ADGRG4: variants seen among roughly 807,000 people sequenced by gnomAD.
ADGRG4 encodes adhesion G protein-coupled receptor G4.
A neutral mutation model predicts 126.2 loss-of-function variants in ADGRG4; 122 were observed. The observed-to-expected ratio is 0.97, with a 90% CI of 0.83 to 1.12. The LOEUF is 1.12. ADGRG4 is among the 50% of genes most tolerant of loss of function. The probability of loss-of-function intolerance (pLI) is 0.00; values close to 1 mark genes in which losing one functional copy is unlikely to be tolerated. For synonymous variants in ADGRG4, 943 were observed against 838.7 expected (o/e 1.12, Z -2.15); for missense variants, 2,481 against 2,251.8 (o/e 1.10, Z -2.06).
rs1460902527 is a variant in ADGRG4, at chrX:136,346,340, G to A, written c.2634G>A (p.Val878=). The A allele has an allele frequency of 8.3e-7, 1 of 1,210,446 alleles. No homozygotes were observed. Among genetic ancestry groups the A allele is most frequent in the Non-Finnish European group, 1.1e-6 (1 of 894,861 alleles). Residue 878 remains valine (V), a synonymous_variant, in exon 6 of 26, where the codon GTG becomes GTA. Coordinates refer to ENST00000394143, the MANE Select transcript of ADGRG4 (RefSeq NM_153834.4). ...LEVTDESAQR[V]TASVTVSSFP... ...TGACAGACGAATCAGCACAAAGGGTGACAGCTTCTGTCACTGTTTCCTCTT... is the reference window on the plus strand; with the variant it reads ...TGACAGACGAATCAGCACAAAGGGTAACAGCTTCTGTCACTGTTTCCTCTT...
At chrX:136,320,904 G>C (rs983873363) in intron 4 of ADGRG4, among the ~76,000 whole-genome samples, 2 of 111,248 alleles carry the variant, frequency 1.8e-5, no homozygotes, top group African/African-American at 6.5e-5. Context: ...GGGCAAGAGA[G>C]TGAGACCCCC....
intron 20 of ADGRG4, 127 bp downstream of exon 20, chrX:136,398,129 T>C: frequency 1.8e-6 from 1 of 552,993 alleles, no homozygotes. Flanking sequence ...GCTTATGAAG[T>C]GGACAGGTTA....
chrX:136,348,521 A>T lies in ADGRG4; in HGVS notation c.4815A>T (p.Thr1605=). Reference sequence around the variant, plus strand: ...CCAGGACTACTATGACCATGCAAACATCTACATTGGATGTCACACCTGTGA... The same window carrying T: ...CCAGGACTACTATGACCATGCAAACTTCTACATTGGATGTCACACCTGTGA... The part of the protein sequence containing the change: ...VTPRTTMTMQ[T]STLDVTPVIY... The change falls in exon 6 of 26, where the codon ACA becomes ACT. Residue 1605 remains threonine, a synonymous_variant. Transcript: ENST00000394143. 4.1e-6 allele frequency: 5 copies of T among 1,208,761 alleles called. No homozygotes were observed. Among genetic ancestry groups the T allele is most frequent in the Non-Finnish European group, 5.6e-6 (5 of 893,117 alleles).
At chrX:136,401,526 A>T (rs1027031187) in intron 21 of ADGRG4, among the ~76,000 whole-genome samples, 3 of 111,730 alleles carry the variant, frequency 2.7e-5, no homozygotes, top group African/African-American at 9.8e-5. Flanking sequence ...AAGCAGGAAA[A>T]CTTTAGTTAC....
At chrX:136,301,161 C>G (rs2074696731) in intron 1 of ADGRG4, among the ~76,000 whole-genome samples, 161 bp downstream of exon 1, 1 of 112,187 alleles carries the variant, frequency 8.9e-6, no homozygotes, top group Non-Finnish European at 1.9e-5. Context: ...GGAATTGCCA[C>G]ACTGTCTTCC....
intron 15 of ADGRG4, among the ~76,000 whole-genome samples, chrX:136,379,395 GTTCTTA>G (rs1274586851): frequency 9.1e-6 from 1 of 110,114 alleles, no homozygotes; most frequent in African/African-American, 3.3e-5. Flanking sequence ...TCTGCTGAAT[GTTCTTA>G]TATGTTTGTT....
In ADGRG4 at chrX:136,334,701, G is replaced by A. The variant is rs1055549791; in HGVS notation, c.686-9691G>A. Among the ~76,000 whole-genome samples, 5 of 112,116 alleles carry A rather than the reference G, an allele frequency of 4.5e-5. 1 individual carries two copies. The highest frequency in any genetic ancestry group is 1.6e-4 in the African/African-American group (5 of 30,884). ...ATTTTCATTGGAGCAATTGTAAATAGCATTGTGCTTTTGATTTCAGTTTCT... is the reference window on the plus strand; with the variant it reads ...ATTTTCATTGGAGCAATTGTAAATAACATTGTGCTTTTGATTTCAGTTTCT... On this transcript the variant is annotated intron_variant, in intron 5 of 25. Coordinates refer to ENST00000394143, the MANE Select transcript of ADGRG4 (RefSeq NM_153834.4).
At chrX:136,358,003 A>G (rs993212057) in intron 10 of ADGRG4, among the ~76,000 whole-genome samples, 5 of 111,736 alleles carry the variant, frequency 4.5e-5, no homozygotes, top group African/African-American at 1.6e-4. Flanking sequence ...GGGTGGTCAT[A>G]ATCTGGGACG....
rs138629547 is a variant in ADGRG4 at position 136,376,627 on chromosome X, GGTATTGTATTGTATTGTATT to G, written c.7776+3619_7776+3638del. Among the ~76,000 whole-genome samples the G allele has an allele frequency of 4.3e-3, 373 of 86,167 alleles. 4 individuals carry two copies. Among genetic ancestry groups the G allele is most frequent in the African/African-American group, 0.011 (227 of 21,059 alleles). The allele number at this position is 86,167 out of a possible 115,157, so 74.8% of individuals were successfully genotyped here. A position where few individuals can be genotyped will look rare whatever the true frequency, so the allele number is the denominator to read the frequency against. ...ACCTCCTTGATTAAGTATATTCCTG[GGTATTGTATTGTATTGTATT>G]GTATTGTATTGTATTGTATTGTATT... On this transcript the variant is annotated intron_variant, in intron 15 of 25. Transcript: ENST00000394143.
chrX:136,409,564 G>A (rs2075435085), intron 23 of ADGRG4, among the ~76,000 whole-genome samples: 1 of 111,781 alleles, frequency 8.9e-6, no homozygotes, highest in Non-Finnish European at 1.9e-5. Flanking sequence ...CCTTCCAGGT[G>A]GCTGCTGCTC....
At chrX:136,398,177 T>C (rs1421022615) in intron 20 of ADGRG4, among the ~76,000 whole-genome samples, 175 bp downstream of exon 20, 1 of 111,977 alleles carries the variant, frequency 8.9e-6, no homozygotes, top group Non-Finnish European at 1.9e-5. Context: ...AATATTTTAA[T>C]TGGATTTTTG....
At chrX:136,358,872 GACTA>G (rs1191326019) in intron 10 of ADGRG4, among the ~76,000 whole-genome samples, 5 of 111,796 alleles carry the variant, frequency 4.5e-5, no homozygotes, top group South Asian at 7.6e-4. Context: ...CTTCTTTATA[GACTA>G]ACTGAGCATC....
rs755394977 is a variant in ADGRG4 at position 136,347,154 on chromosome X, C to T, written c.3448C>T (p.Pro1150Ser). 5 of 1,211,192 alleles carry T rather than the reference C, an allele frequency of 4.1e-6. No individual in the cohort carries two copies. Among genetic ancestry groups the T allele is most frequent in the Non-Finnish European group, 5.6e-6 (5 of 895,141 alleles). The change falls in exon 6 of 26, where the codon CCT becomes TCT. Residue 1150 changes from proline to serine, a missense_variant. Coordinates refer to ENST00000394143, the MANE Select transcript of ADGRG4 (RefSeq NM_153834.4). ...CACTCTTGTCTGCTCAAAACCTCCC[C>T]CTGACAACATTCCTCCTGCGTCCTC... is the stretch of plus-strand genomic sequence containing the variant. ...THTLVCSKPPPDNIPPASSTH... is the reference protein window; with the variant it reads ...THTLVCSKPPSDNIPPASSTH...
At chrX:136,374,532 C>T (rs1414976942) in intron 15 of ADGRG4, among the ~76,000 whole-genome samples, 1 of 111,028 alleles carries the variant, frequency 9.0e-6, no homozygotes, top group African/African-American at 3.3e-5. Context: ...CAGATTCAAG[C>T]GATTCTCCTG....
At chrX:136,357,222 T>A (rs1019522588) in intron 9 of ADGRG4, among the ~76,000 whole-genome samples, 1 of 111,792 alleles carries the variant, frequency 8.9e-6, no homozygotes, top group Non-Finnish European at 1.9e-5. Flanking sequence ...TTCCTGACTA[T>A]GAGACCTTGG....
At chrX:136,364,164 A>C (rs1205796386) in intron 13 of ADGRG4, among the ~76,000 whole-genome samples, 3 of 111,050 alleles carry the variant, frequency 2.7e-5, no homozygotes, top group Non-Finnish European at 3.8e-5. Context: ...ATTTTTAAAA[A>C]GTTTTAATAG....
intron 12 of ADGRG4, among the ~76,000 whole-genome samples, chrX:136,362,432 C>G (rs1304682533): frequency 1.8e-5 from 2 of 111,367 alleles, no homozygotes; most frequent in Non-Finnish European, 3.8e-5. Context: ...TATCCCTTAC[C>G]CGCCTCCGCC....
intron 4 of ADGRG4, among the ~76,000 whole-genome samples, chrX:136,312,969 G>A (rs1247223460): frequency 8.9e-6 from 1 of 112,355 alleles, no homozygotes; most frequent in Non-Finnish European, 1.9e-5. Flanking sequence ...GTTCATCCAT[G>A]TGTAGCATGC....
At chrX:136,322,160 C>T (rs2074843148) in intron 4 of ADGRG4, among the ~76,000 whole-genome samples, 1 of 111,479 alleles carries the variant, frequency 9.0e-6, no homozygotes. Flanking sequence ...CATCAGGATG[C>T]ACCCAGGGCA....
Sources: gnomAD v4.1 joint callset for allele counts (sites outside exome capture counted in the v4.1 genomes callset) on GRCh38, gnomAD v4.1.1 for gene constraint, MANE v1.5 for transcripts, NCBI Gene and HGNC (gene_info 2026-07-23, HGNC 2026-07-21) for gene names.